The following C8orf89 variants were observed in gnomAD, a reference collection of about 807,000 sequenced individuals.
The protein encoded by C8orf89 is chromosome 8 open reading frame 89.
In C8orf89, 14 loss-of-function variants were observed where a neutral mutation model predicts 15.8. That is an observed-to-expected ratio of 0.89 (90% CI 0.59 to 1.39). The LOEUF (loss-of-function observed/expected upper bound fraction) is 1.39, where lower values mean the gene tolerates loss of function less well. Ranked by LOEUF, C8orf89 falls within the 40% of genes most tolerant of loss-of-function variation. The probability of loss-of-function intolerance (pLI) is 0.00; values close to 1 mark genes in which losing one functional copy is unlikely to be tolerated. For missense variants in C8orf89, 181 were observed against 184.5 expected, an observed-to-expected ratio of 0.98 and a Z score of 0.11; for synonymous variants, 55 against 62.2, an observed-to-expected ratio of 0.88 and a Z score of 0.54.
chr8:73,252,443 A>T (rs1041640464), intron 2 of C8orf89, among the ~76,000 whole-genome samples: 2 of 152,184 alleles, frequency 1.3e-5, no homozygotes, highest in African/African-American at 4.8e-5. Context: ...ATGAAAAAGA[A>T]TTTTTTCTTT....
the C8orf89 span, among the ~76,000 whole-genome samples, chr8:73,285,479 C>A: frequency 6.2e-3 from 949 of 152,298 alleles, 12 homozygotes; most frequent in African/African-American, 0.022. Context: ...CCTTAGTGTC[C>A]CCTTCGTGGG....
Position 73,256,899 on chromosome 8 carries a change from G to C in C8orf89, c.281+74C>G. The C allele has an allele frequency of 2.9e-6, 3 of 1,041,390 alleles. No homozygotes were observed. In the South Asian group the frequency reaches 9.6e-5, roughly 33 times the overall value. 64.5% of individuals were successfully genotyped at this position (1,041,390 alleles called of 1,614,324 possible). A position where few individuals can be genotyped will look rare whatever the true frequency, so the allele number is the denominator to read the frequency against. ...AAAAATGAATGCAATTCACTGACCA[G>C]AAAAACCTCTACATTCAGCAGTATT... On this transcript the variant is annotated intron_variant, in intron 2 of 3. Coordinates refer to ENST00000624510, the MANE Select transcript of C8orf89 (RefSeq NM_001243237.3).
intron 2 of C8orf89, among the ~76,000 whole-genome samples, chr8:73,252,426 G>A (rs1230788025): frequency 6.6e-6 from 1 of 152,080 alleles, no homozygotes; most frequent in Non-Finnish European, 1.5e-5. Context: ...CAACGAAAAT[G>A]ATATCCATGA....
the C8orf89 span, among the ~76,000 whole-genome samples, chr8:73,284,869 T>G: frequency 6.6e-6 from 1 of 152,196 alleles, no homozygotes; most frequent in Non-Finnish European, 1.5e-5. Context: ...GGGATTATAA[T>G]ACCCTAAAAG....
chr8:73,253,597 C>T (rs1813299034), intron 2 of C8orf89, among the ~76,000 whole-genome samples: 1 of 151,580 alleles, frequency 6.6e-6, no homozygotes, highest in East Asian at 1.9e-4. Flanking sequence ...TTGTTTGTAT[C>T]CTCTTTTATT....
chr8:73,279,304 T>A, the C8orf89 span, among the ~76,000 whole-genome samples: 695 of 152,090 alleles, frequency 4.6e-3, 5 homozygotes, highest in South Asian at 0.016. Flanking sequence ...TGCAGAGAGG[T>A]TTTTCATTGA....
Position 73,241,392 on chromosome 8 carries a change from A to G in C8orf89, c.*65T>C, listed in dbSNP as rs1813002038. ...TATATAAATCATTTTGCATCATATC[A>G]TATAAAAAAAGAAAATATAAAGCTT... is the stretch of plus-strand genomic sequence containing the variant. On this transcript the variant is annotated 3_prime_UTR_variant, in exon 4 of 4. Coordinates refer to ENST00000624510, the MANE Select transcript of C8orf89 (RefSeq NM_001243237.3). 1 of 1,251,658 alleles carries G rather than the reference A, an allele frequency of 8.0e-7. No homozygotes were observed. The highest frequency in any genetic ancestry group is 1.0e-6 in the Non-Finnish European group (1 of 973,090). 77.5% of individuals were successfully genotyped at this position (1,251,658 alleles called of 1,614,324 possible). A position where few individuals can be genotyped will look rare whatever the true frequency, so the allele number is the denominator to read the frequency against.
the C8orf89 span, among the ~76,000 whole-genome samples, chr8:73,267,838 C>G: frequency 6.6e-6 from 1 of 152,078 alleles, no homozygotes; most frequent in Non-Finnish European, 1.5e-5. Context: ...AGTTGAAAGT[C>G]CCTGGAGAAA....
At chr8:73,259,254 G>T in intron 1 of C8orf89, 78 bp downstream of exon 1, 1 of 932,362 alleles carries the variant, frequency 1.1e-6, no homozygotes, top group Non-Finnish European at 1.5e-6. Flanking sequence ...AATGTCCCTT[G>T]CCTGATGAAA....
At chr8:73,251,505 A>C (rs1324148030) in intron 2 of C8orf89, among the ~76,000 whole-genome samples, 1 of 152,242 alleles carries the variant, frequency 6.6e-6, no homozygotes, top group African/African-American at 2.4e-5. Flanking sequence ...ACATTATGTC[A>C]CTTAGCCATT....
intron 3 of C8orf89, 49 bp downstream of exon 3, chr8:73,250,219 G>A: frequency 8.5e-7 from 1 of 1,178,224 alleles, no homozygotes. Context: ...AAAAGATAAG[G>A]TATATGACAC....
chr8:73,261,803 T>C (rs766201319), upstream of C8orf89, among the ~76,000 whole-genome samples: 5 of 152,160 alleles, frequency 3.3e-5, no homozygotes, highest in Admixed American at 3.3e-4. Context: ...AGCTCAGCAC[T>C]GGTTCCAAAG....
At chr8:73,265,118 T>G in the C8orf89 span, among the ~76,000 whole-genome samples, 1 of 152,224 alleles carries the variant, frequency 6.6e-6, no homozygotes, top group Non-Finnish European at 1.5e-5. Context: ...CATTAACAAT[T>G]TATATGCTGT....
chr8:73,284,190 G>A, the C8orf89 span, among the ~76,000 whole-genome samples: 2 of 146,130 alleles, frequency 1.4e-5, no homozygotes, highest in Non-Finnish European at 3.0e-5. Flanking sequence ...AAACTGATAT[G>A]AATGGTATTC....
chr8:73,242,748 G>T (rs1325314517), intron 3 of C8orf89, among the ~76,000 whole-genome samples: 2 of 152,176 alleles, frequency 1.3e-5, no homozygotes, highest in South Asian at 2.1e-4. Flanking sequence ...CAGTTTGGAG[G>T]TTTCTCAGAA....
intron 2 of C8orf89, among the ~76,000 whole-genome samples, chr8:73,252,356 A>T (rs990109687): frequency 3.3e-5 from 5 of 152,194 alleles, no homozygotes; most frequent in African/African-American, 9.7e-5. Context: ...GGCATGACAA[A>T]ATGCATATAT....
intron 2 of C8orf89, among the ~76,000 whole-genome samples, chr8:73,251,277 G>C (rs1813239767): frequency 6.6e-6 from 1 of 152,018 alleles, no homozygotes; most frequent in Non-Finnish European, 1.5e-5. Flanking sequence ...CACAAGGAGG[G>C]AAAAAAGAGA....
At chr8:73,257,214 T>A (rs1813415385) in intron 1 of C8orf89, 88 bp from the exon 2 acceptor site, 2 of 815,714 alleles carry the variant, frequency 2.5e-6, no homozygotes, top group Admixed American at 6.9e-5. Flanking sequence ...ATACACAAAA[T>A]CAGCTATTAA....
At chr8:73,246,809 T>C (rs1364355702) in intron 3 of C8orf89, among the ~76,000 whole-genome samples, 2 of 152,226 alleles carry the variant, frequency 1.3e-5, no homozygotes, top group Non-Finnish European at 2.9e-5. Flanking sequence ...TTTAAACTTA[T>C]AAACTTCCAT....
Sources: gnomAD v4.1 joint callset for allele counts (sites outside exome capture counted in the v4.1 genomes callset) on GRCh38, gnomAD v4.1.1 for gene constraint, MANE v1.5 for transcripts, NCBI Gene and HGNC (gene_info 2026-07-23, HGNC 2026-07-21) for gene names.